Variants in KLHL40 observed in about 807,000 individuals in gnomAD.
KLHL40 encodes kelch like family member 40, also known as kelch-like protein 40.
KLHL40 carries 44 observed loss-of-function variants against 49.7 expected under a neutral mutation model. That is an observed-to-expected ratio of 0.89 (90% confidence interval 0.70 to 1.14). KLHL40 has a LOEUF of 1.14. Ranked by LOEUF, KLHL40 falls within the 50% of genes most tolerant of loss-of-function variation. The pLI, the probability that KLHL40 is intolerant of heterozygous loss-of-function variation, is 0.00. For synonymous variants in KLHL40, 409 were observed against 365.2 expected (o/e 1.12, Z -1.37); for missense variants, 892 against 850.3 (o/e 1.05, Z -0.61).
At chr3:42,691,498 T>C (rs1172920566) in intron 5 of KLHL40, among the ~76,000 whole-genome samples, 1 of 152,004 alleles carries the variant, frequency 6.6e-6, no homozygotes, top group Non-Finnish European at 1.5e-5. Context: ...TCTGCACTGC[T>C]GCAGGCAGCC....
At position 42,688,770 on chromosome 3, in the gene KLHL40, G is replaced by A. The variant is rs1697316037; in HGVS notation, c.1421+53G>A. On this transcript the variant is annotated intron_variant, in intron 3 of 5. Transcript: ENST00000287777. The surrounding 1 kb of genome is among the most constrained non-coding windows in gnomAD (Gnocchi z 4.2). ...GGAGCAGAGGTAGAATCTCCCAGAG[G>A]CTGTCAGGGGTTTGTCCTGGCTGCC... The A allele has an allele frequency of 1.8e-5, 29 of 1,584,696 alleles. No homozygotes were observed. The highest frequency in any genetic ancestry group is 2.4e-5 in the Non-Finnish European group (28 of 1,153,402).
In KLHL40 at chr3:42,688,047, G is replaced by C. The variant is rs376290331; in HGVS notation, c.1153-95G>C. ...CTGTATTGGCCCTACCTGGGTTCCC[G>C]ACCTCCTCCGTGATCTGGGGCAGTG... On this transcript the variant is annotated intron_variant, in intron 1 of 5. Transcript: ENST00000287777. This position sits in a 1 kb window ranked among gnomAD's most constrained non-coding sequence, Gnocchi z 4.2. The C allele has an allele frequency of 4.5e-4, 674 of 1,509,428 alleles. 6 individuals carry two copies. In the East Asian group the frequency reaches 0.014, roughly 32 times the overall value. 93.5% of individuals were successfully genotyped at this position (1,509,428 alleles called of 1,614,324 possible). A position where few individuals can be genotyped will look rare whatever the true frequency, so the allele number is the denominator to read the frequency against.
intron 4 of KLHL40, among the ~76,000 whole-genome samples, chr3:42,690,087 G>T (rs1697337738): frequency 6.6e-6 from 1 of 152,182 alleles, no homozygotes; most frequent in African/African-American, 2.4e-5. Flanking sequence ...TGGACTTGAA[G>T]TACCTGGGGG....
At chr3:42,687,746 T>C (rs1270315426) in intron 1 of KLHL40, among the ~76,000 whole-genome samples, 2 of 152,124 alleles carry the variant, frequency 1.3e-5, no homozygotes, top group African/African-American at 4.8e-5. Context: ...CTGTAGATTT[T>C]ACAGGGCGAA....
In KLHL40 at chr3:42,685,805, C is replaced by G; in HGVS notation, c.187C>G (p.Leu63Val). The G allele has an allele frequency of 1.2e-6, 2 of 1,612,478 alleles. No individual in the cohort carries two copies. The highest frequency in any genetic ancestry group is 2.2e-5 in the South Asian group (2 of 91,048). The change falls in exon 1 of 6, where the codon CTA becomes GTA. Residue 63 changes from leucine to valine, a missense_variant. Physicochemically the swap from Leu to Val is conservative, Grantham distance 32. Transcript: ENST00000287777. ...ACSPYFRARF[L>V]AEPERAGELH... ...CAGCCCCTACTTCCGGGCGCGCTTT[C>G]TAGCCGAGCCGGAGCGCGCGGGCGA...
intron 4 of KLHL40, among the ~76,000 whole-genome samples, chr3:42,689,650 G>A (rs1212964078): frequency 1.3e-5 from 2 of 152,038 alleles, no homozygotes; most frequent in African/African-American, 4.8e-5. Flanking sequence ...GATATAGAGA[G>A]CAGATTAGGG....
intron 4 of KLHL40, 95 bp from the exon 5 acceptor site, chr3:42,690,764 A>G: frequency 7.3e-7 from 1 of 1,376,720 alleles, no homozygotes. Flanking sequence ...TTGGATTGCA[A>G]AGGGTTGCAG....
In KLHL40 at chr3:42,688,188, C is replaced by T. The variant is rs1697302552; in HGVS notation, c.1199C>T (p.Ser400Leu). 15 of 1,613,804 alleles carry T rather than the reference C, an allele frequency of 9.3e-6. No homozygotes were observed. Among genetic ancestry groups the T allele is most frequent in the South Asian group, 4.4e-5 (4 of 91,068 alleles). ...TGGCTGGGGATGCCACCGCTGCCCT[C>T]GCCCCGCTGCCTCTTTGGCCTGGGA... ...SEWLGMPPLP[S>L]PRCLFGLGEA... is the part of the protein sequence containing the mutation. Residue 400 changes from serine (S) to leucine (L), a missense_variant, in exon 2 of 6, where the codon TCG becomes TTG. Ser to Leu is a moderately radical substitution (Grantham distance 145). Transcript: ENST00000287777. The surrounding 1 kb of genome is among the most constrained non-coding windows in gnomAD (Gnocchi z 4.2).
Position 42,685,736 on chromosome 3 carries a change from G to A in KLHL40, c.118G>A (p.Gly40Ser), listed in dbSNP as rs1451923756. ...GKFLDCVVRA[G>S]EREFPCHRLV... The stretch of plus-strand genomic sequence containing the variant: ...GTTCCTCGACTGTGTGGTGCGGGCG[G>A]GCGAGCGCGAGTTCCCGTGCCATCG... The change falls in exon 1 of 6, where the codon GGC becomes AGC. Residue 40 changes from glycine (G) to serine (S), a missense_variant. Transcript: ENST00000287777. The A allele has an allele frequency of 6.2e-7, 1 of 1,612,950 alleles. No individual in the cohort carries two copies. Among genetic ancestry groups the A allele is most frequent in the African/African-American group, 1.3e-5 (1 of 75,048 alleles).
chr3:42,691,917 T>G lies in KLHL40; in HGVS notation c.1790T>G (p.Leu597Arg). Residue 597 changes from leucine to arginine, a missense_variant, in exon 6 of 6, where the codon CTG (leucine) becomes CGG (arginine). Leu to Arg is a moderately radical substitution (Grantham distance 102). Coordinates refer to ENST00000287777, the MANE Select transcript of KLHL40 (RefSeq NM_152393.4). ...NEEEKKWEGVLREIAYAAGAT... is the reference protein window; with the variant it reads ...NEEEKKWEGVRREIAYAAGAT... ...GAGGAGAAGAAATGGGAGGGTGTCC[T>G]GCGGGAGATCGCCTATGCAGCAGGT... The G allele has an allele frequency of 6.2e-7, 1 of 1,613,666 alleles. No individual in the cohort carries two copies. Among genetic ancestry groups the G allele is most frequent in the Non-Finnish European group, 8.5e-7 (1 of 1,179,538 alleles).
Position 42,692,278 on chromosome 3 carries a change from C to A in KLHL40, c.*285C>A. Reference sequence around the variant, plus strand: ...GCGGTATCCCAGGCCGTGTGCTGGCCCTGCCCCAGCCTAGCTGAGTGTGCT... The same window carrying A: ...GCGGTATCCCAGGCCGTGTGCTGGCACTGCCCCAGCCTAGCTGAGTGTGCT... On this transcript the variant is annotated 3_prime_UTR_variant, in exon 6 of 6. Transcript: ENST00000287777. The A allele has an allele frequency of 2.1e-6, 1 of 478,608 alleles. No homozygotes were observed. The highest frequency in any genetic ancestry group is 3.8e-6 in the Non-Finnish European group (1 of 264,612). The allele number at this position is 478,608 out of a possible 1,614,324, so 29.6% of individuals were successfully genotyped here.
At position 42,685,649 on chromosome 3, in the gene KLHL40, C is replaced by G; in HGVS notation, c.31C>G (p.Gln11Glu). ...GCTGGGCTTGGAGCAGGCGGAGGAGCAGCGGTTGTACCAGCAGACGCTCCT... is the reference window on the plus strand; with the variant it reads ...GCTGGGCTTGGAGCAGGCGGAGGAGGAGCGGTTGTACCAGCAGACGCTCCT... MALGLEQAEE[Q>E]RLYQQTLLQD... The change falls in exon 1 of 6, where the codon CAG (glutamine) becomes GAG (glutamate). Residue 11 changes from glutamine (Q) to glutamate (E), a missense_variant. Transcript: ENST00000287777. 2.5e-6 allele frequency: 4 copies of G among 1,608,228 alleles called. No homozygotes were observed. The highest frequency in any genetic ancestry group is 3.4e-6 in the Non-Finnish European group (4 of 1,177,724).
chr3:42,688,140 A>T lies in KLHL40; in HGVS notation c.1153-2A>T, dbSNP rs752493018. ...GTAGCTGACTGGACACCTGGCCTGC[A>T]GTTTGACCATCTGGACTCAGAGTGG... On this transcript the variant is annotated splice_acceptor_variant, in intron 1 of 5. Transcript: ENST00000287777. LOFTEE classifies it high-confidence loss of function. This position sits in a 1 kb window ranked among gnomAD's most constrained non-coding sequence, Gnocchi z 4.2. 3 of 1,613,748 alleles carry T rather than the reference A, an allele frequency of 1.9e-6. No individual in the cohort carries two copies. The Admixed American group carries it at 5.0e-5, about 27-fold the overall frequency.
Position 42,685,672 on chromosome 3 carries a change from C to T in KLHL40, c.54C>T (p.Leu18=). 1 of 1,612,480 alleles carries T rather than the reference C, an allele frequency of 6.2e-7. No individual in the cohort carries two copies. The highest frequency in any genetic ancestry group is 8.5e-7 in the Non-Finnish European group (1 of 1,179,532). The change falls in exon 1 of 6, where the codon CTC becomes CTT. Residue 18 remains leucine (L), a synonymous_variant. Coordinates refer to ENST00000287777, the MANE Select transcript of KLHL40 (RefSeq NM_152393.4). The part of the protein sequence containing the change: ...AEEQRLYQQT[L]LQDGLKDMLD... ...AGCAGCGGTTGTACCAGCAGACGCTCCTGCAAGACGGGCTCAAAGACATGC... is the reference window on the plus strand; with the variant it reads ...AGCAGCGGTTGTACCAGCAGACGCTTCTGCAAGACGGGCTCAAAGACATGC...
At position 42,688,089 on chromosome 3, in the gene KLHL40, G is replaced by A; in HGVS notation, c.1153-53G>A. The A allele has an allele frequency of 6.2e-7, 1 of 1,610,776 alleles. No homozygotes were observed. Among genetic ancestry groups the A allele is most frequent in the South Asian group, 1.1e-5 (1 of 90,858 alleles). On this transcript the variant is annotated intron_variant, in intron 1 of 5. Coordinates refer to ENST00000287777, the MANE Select transcript of KLHL40 (RefSeq NM_152393.4). The surrounding 1 kb of genome is among the most constrained non-coding windows in gnomAD (Gnocchi z 4.2). ...GGGGCAGTGGGACTGAGTGGGGCTG[G>A]GCTGAGGCTGGGGGAGTGGGGGGCG... is the stretch of plus-strand genomic sequence containing the variant.
At position 42,686,229 on chromosome 3, in the gene KLHL40, G is replaced by A. The variant is rs879858391; in HGVS notation, c.611G>A (p.Ser204Asn). Reference protein sequence around the residue: ...VFEAVMRWAGSGDAEAQAERQ... With the variant: ...VFEAVMRWAGNGDAEAQAERQ... ...GAGGCGGTGATGCGGTGGGCGGGTA[G>A]CGGCGACGCCGAGGCGCAGGCTGAG... The change falls in exon 1 of 6, where the codon AGC becomes AAC. Residue 204 changes from serine to asparagine, a missense_variant. Physicochemically the swap from Ser to Asn is conservative, Grantham distance 46 (BLOSUM62 1). Coordinates refer to ENST00000287777, the MANE Select transcript of KLHL40 (RefSeq NM_152393.4). 5 of 1,556,076 alleles carry A rather than the reference G, an allele frequency of 3.2e-6. No homozygotes were observed. In the Admixed American group the frequency reaches 5.6e-5, roughly 17 times the overall value.
chr3:42,691,294 G>A lies in KLHL40; in HGVS notation c.1754+289G>A, dbSNP rs1382903687. Among the ~76,000 whole-genome samples the A allele has an allele frequency of 2.0e-5, 3 of 152,122 alleles. No individual in the cohort carries two copies. In the South Asian group the frequency reaches 6.2e-4, roughly 31 times the overall value. On this transcript the variant is annotated intron_variant, in intron 5 of 5. Coordinates refer to ENST00000287777, the MANE Select transcript of KLHL40 (RefSeq NM_152393.4). ...TTAGGTCATAGACTCACAGAAACAG[G>A]GCCCAAATAGCAGCCGGATTTTCTT...
rs1392891297 is a variant in KLHL40 at position 42,686,751 on chromosome 3, T to C, written c.1133T>C (p.Met378Thr). 3.7e-6 allele frequency: 6 copies of C among 1,611,372 alleles called. No individual in the cohort carries two copies. The highest frequency in any genetic ancestry group is 5.1e-6 in the Non-Finnish European group (6 of 1,179,108). ...FYNEDNKEDP[M>T]SAYFLQFDHL... Reference sequence around the variant, plus strand: ...AACGAAGACAACAAAGAGGACCCCATGAGCGCATACTTCCTGCAGGTGCCT... The same window carrying C: ...AACGAAGACAACAAAGAGGACCCCACGAGCGCATACTTCCTGCAGGTGCCT... Residue 378 changes from methionine to threonine, a missense_variant, in exon 1 of 6, where the codon ATG becomes ACG. Met to Thr is a moderately conservative substitution (Grantham distance 81, BLOSUM62 -1). Transcript: ENST00000287777.
Position 42,688,603 on chromosome 3 carries a change from C to A in KLHL40, c.1314-7C>A, listed in dbSNP as rs2125845452. On this transcript the variant is annotated splice_polypyrimidine_tract_variant and splice_region_variant and intron_variant, in intron 2 of 5. Coordinates refer to ENST00000287777, the MANE Select transcript of KLHL40 (RefSeq NM_152393.4). This position sits in a 1 kb window ranked among gnomAD's most constrained non-coding sequence, Gnocchi z 4.2. ...CCCTCCCCCACCCCCACTCCCGTCT[C>A]CTCCAGGTCATTCAAATGGGGTGAA... 1 of 1,611,036 alleles carries A rather than the reference C, an allele frequency of 6.2e-7. No homozygotes were observed. The highest frequency in any genetic ancestry group is 2.2e-5 in the East Asian group (1 of 44,846).
Sources: gnomAD v4.1 joint callset for allele counts (sites outside exome capture counted in the v4.1 genomes callset) on GRCh38, gnomAD v4.1.1 for gene constraint, Gnocchi (gnomAD v3.1) non-coding constraint, MANE v1.5 for transcripts, NCBI Gene and HGNC (gene_info 2026-07-23, HGNC 2026-07-21) for gene names.